The following CENPI variants were observed in gnomAD, a reference collection of about 807,000 sequenced individuals.
The protein encoded by CENPI is FSH primary response 1.
CENPI carries 4 observed loss-of-function variants against 60.4 expected under a neutral mutation model. The observed-to-expected ratio is 0.07, with a 90% CI of 0.03 to 0.15. The LOEUF is 0.15. CENPI is among the 10% of genes least tolerant of loss of function. CENPI has a pLI of 1.00. For missense variants in CENPI, 444 were observed against 534.5 expected (o/e 0.83, Z 1.67); for synonymous variants, 157 against 189.4 (o/e 0.83, Z 1.40).
Position 101,109,795 on chromosome X carries a change from C to G in CENPI, c.484-96C>G. ...TTATTCTACTTTGTGCCTGAAGCTTCTAAAATAGCCCTGGTGGCGGGGGAC... is the reference window on the plus strand; with the variant it reads ...TTATTCTACTTTGTGCCTGAAGCTTGTAAAATAGCCCTGGTGGCGGGGGAC... On this transcript the variant is annotated intron_variant, in intron 5 of 21. Transcript: ENST00000682095. 4 of 641,901 alleles carry G rather than the reference C, an allele frequency of 6.2e-6. No homozygotes were observed. The South Asian group carries it at 1.1e-4, about 17-fold the overall frequency. 52.9% of individuals were successfully genotyped at this position (641,901 alleles called of 1,213,427 possible).
chrX:101,109,075 GTTT>G (rs869245080), intron 4 of CENPI, among the ~76,000 whole-genome samples: 3 of 47,317 alleles, frequency 6.3e-5, no homozygotes, highest in African/African-American at 2.5e-4. Flanking sequence ...GAGGTGTGGT[GTTT>G]TTTTTTTTTT....
chrX:101,139,050 A>G (rs1228168946), intron 15 of CENPI, among the ~76,000 whole-genome samples: 1 of 100,197 alleles, frequency 1.0e-5, no homozygotes, highest in Admixed American at 1.1e-4. Flanking sequence ...CGGCCTCCCA[A>G]AGTGCTGGGA....
chrX:101,101,788 C>A (rs186001746), intron 3 of CENPI, among the ~76,000 whole-genome samples: 2 of 112,474 alleles, frequency 1.8e-5, no homozygotes, highest in East Asian at 2.8e-4. Flanking sequence ...AGGGCATAAT[C>A]CAGCTTTCCT....
At chrX:101,148,230 T>C in intron 20 of CENPI, 69 bp downstream of exon 20, 1 of 883,133 alleles carries the variant, frequency 1.1e-6, no homozygotes, top group Non-Finnish European at 1.6e-6. Flanking sequence ...GGAAGTGCCA[T>C]AAATTTAATG....
the CENPI span, among the ~76,000 whole-genome samples, chrX:101,173,079 G>A: frequency 1.8e-4 from 17 of 95,797 alleles, no homozygotes; most frequent in African/African-American, 5.9e-4. Context: ...GCAGTGGTGC[G>A]ATCTCGGCTC....
At chrX:101,147,190 G>C (rs953998140) in intron 18 of CENPI, among the ~76,000 whole-genome samples, 6 of 111,090 alleles carry the variant, frequency 5.4e-5, no homozygotes, top group Non-Finnish European at 9.4e-5. Flanking sequence ...CTATATCAGT[G>C]ACTGACTGCT....
chrX:101,146,389 T>C, intron 18 of CENPI, 112 bp downstream of exon 18: 1 of 794,745 alleles, frequency 1.3e-6, no homozygotes, highest in Non-Finnish European at 1.8e-6. Context: ...CCTCTGGAAA[T>C]AGGAAATGTG....
intron 18 of CENPI, among the ~76,000 whole-genome samples, chrX:101,147,026 A>G (rs2089968236): frequency 8.9e-6 from 1 of 112,012 alleles, no homozygotes; most frequent in Non-Finnish European, 1.9e-5. Context: ...GTGAGCCACC[A>G]TGCTCAGCTT....
chrX:101,102,516 C>CACACAT (rs778560144), intron 4 of CENPI, 105 bp downstream of exon 4: 40 of 210,450 alleles, frequency 1.9e-4, no homozygotes, highest in Admixed American at 5.9e-4. Context: ...CACACACACA[C>CACACAT]ATATATATAT....
At position 101,112,024 on chromosome X, in the gene CENPI, C is replaced by G. The variant is rs190259550; in HGVS notation, c.591+2026C>G. ...TCCGGCCTGGCGACAGAGTGAGACT[C>G]TGTCTCAAAAAAAAAGAATGACTGA... is the stretch of plus-strand genomic sequence containing the variant. On this transcript the variant is annotated intron_variant, in intron 6 of 21. Coordinates refer to ENST00000682095, the MANE Select transcript of CENPI (RefSeq NM_001386188.2). Among the ~76,000 whole-genome samples the G allele has an allele frequency of 2.4e-3, 266 of 110,983 alleles. 1 individual carries two copies. Among genetic ancestry groups the G allele is most frequent in the Non-Finnish European group, 4.0e-3 (210 of 52,959 alleles).
At chrX:101,146,926 G>A (rs1455513897) in intron 18 of CENPI, among the ~76,000 whole-genome samples, 1 of 110,553 alleles carries the variant, frequency 9.0e-6, no homozygotes, top group African/African-American at 3.3e-5. Context: ...AGTAGAGATG[G>A]GGTTTCACCA....
intron 8 of CENPI, among the ~76,000 whole-genome samples, chrX:101,122,634 T>C (rs1028139833): frequency 6.4e-4 from 71 of 110,977 alleles, no homozygotes; most frequent in Admixed American, 1.9e-4. Context: ...TCCCAGCACT[T>C]TGGGAGGCCG....
At chrX:101,144,090 T>TTC (rs1556405091) in intron 16 of CENPI, among the ~76,000 whole-genome samples, 1 of 99,519 alleles carries the variant, frequency 1.0e-5, no homozygotes, top group Non-Finnish European at 2.0e-5. Context: ...TCTTTTTCTT[T>TTC]TTTTTTTTTT....
chrX:101,135,131 A>T (rs1255561949), intron 15 of CENPI, among the ~76,000 whole-genome samples: 2 of 112,022 alleles, frequency 1.8e-5, no homozygotes, highest in African/African-American at 6.5e-5. Context: ...ATAGGAAGTT[A>T]TAACAAAGAA....
chrX:101,124,693 C>A (rs2089716142), intron 8 of CENPI, among the ~76,000 whole-genome samples: 1 of 111,294 alleles, frequency 9.0e-6, no homozygotes, highest in Non-Finnish European at 1.9e-5. Flanking sequence ...TGAGTGAGTT[C>A]TCACGAGATC....
At chrX:101,172,462 GA>G in the CENPI span, among the ~76,000 whole-genome samples, 199 of 103,169 alleles carry the variant, frequency 1.9e-3, no homozygotes, top group South Asian at 5.5e-3. Context: ...TGTTTGGCAG[GA>G]AAAAAAAAAA....
intron 20 of CENPI, among the ~76,000 whole-genome samples, chrX:101,149,620 C>T (rs1474364925): frequency 1.8e-5 from 2 of 109,248 alleles, no homozygotes; most frequent in Non-Finnish European, 3.8e-5. Flanking sequence ...AATTCTCCTG[C>T]CTCAGCCTCC....
intron 11 of CENPI, among the ~76,000 whole-genome samples, chrX:101,128,122 G>T (rs1204020334): frequency 2.7e-5 from 3 of 111,070 alleles, no homozygotes; most frequent in Non-Finnish European, 5.7e-5. Context: ...ATCACCTGAG[G>T]TTGGGAGTTC....
intron 6 of CENPI, among the ~76,000 whole-genome samples, chrX:101,113,887 G>A (rs1361433692): frequency 8.9e-6 from 1 of 111,911 alleles, no homozygotes; most frequent in Non-Finnish European, 1.9e-5. Flanking sequence ...TTATTCCACT[G>A]GCTCCTTGCT....
Sources: allele counts gnomAD v4.1 joint callset (sites outside exome capture counted in the v4.1 genomes callset), GRCh38; gene constraint gnomAD v4.1.1; transcripts MANE v1.5; gene names NCBI Gene and HGNC (gene_info 2026-07-23, HGNC 2026-07-21).